Variants in ZNF619 observed in about 807,000 individuals in gnomAD.
The protein encoded by ZNF619 is zinc finger protein 619.
ZNF619 carries 9 observed loss-of-function variants against 14.2 expected under a neutral mutation model. That is an observed-to-expected ratio of 0.64 (90% confidence interval 0.38 to 1.11). The LOEUF (loss-of-function observed/expected upper bound fraction) is 1.11. ZNF619 is among the 50% of genes least tolerant of loss of function. ZNF619 has a pLI of 0.01. For missense variants in ZNF619, 659 were observed against 680.1 expected (o/e 0.97, Z 0.34); for synonymous variants, 246 against 252.8 (o/e 0.97, Z 0.26).
Position 40,487,500 on chromosome 3 carries a change from C to G in ZNF619, c.990C>G (p.Asp330Glu), listed in dbSNP as rs1452020873. The G allele has an allele frequency of 6.2e-7, 1 of 1,614,032 alleles. No homozygotes were observed. Among genetic ancestry groups the G allele is most frequent in the East Asian group, 2.2e-5 (1 of 44,868 alleles). The change falls in exon 5 of 5, where the codon GAC becomes GAG. Residue 330 changes from aspartate to glutamate, a missense_variant. Asp to Glu is a conservative substitution (Grantham distance 45). Transcript: ENST00000432264. Reference protein sequence around the residue: ...ECGKAFSCSYDCIIHERIHNG... With the variant: ...ECGKAFSCSYECIIHERIHNG... ...GGAAAGCCTTCAGTTGTAGCTATGACTGCATCATCCATGAACGAATTCACA... is the reference window on the plus strand; with the variant it reads ...GGAAAGCCTTCAGTTGTAGCTATGAGTGCATCATCCATGAACGAATTCACA...
At chr3:40,481,776 C>G (rs1390141268) in intron 2 of ZNF619, 87 bp from the exon 3 acceptor site, 2 of 1,516,360 alleles carry the variant, frequency 1.3e-6, no homozygotes, top group African/African-American at 2.8e-5. Context: ...CTTGCCAGTA[C>G]AAACCTTCCA....
chr3:40,482,742 G>T, intron 4 of ZNF619, 38 bp downstream of exon 4: 1 of 1,490,290 alleles, frequency 6.7e-7, no homozygotes, highest in South Asian at 1.2e-5. Flanking sequence ...TTCCAGCTTT[G>T]CCTCCTCCTT....
chr3:40,479,326 G>A (rs1456149308), intron 2 of ZNF619, among the ~76,000 whole-genome samples: 2 of 152,242 alleles, frequency 1.3e-5, no homozygotes, highest in Non-Finnish European at 2.9e-5. Flanking sequence ...AGTAAAATTA[G>A]GATTCCAATA....
intron 3 of ZNF619, 64 bp from the exon 4 acceptor site, chr3:40,482,524 T>G: frequency 6.4e-7 from 1 of 1,570,890 alleles, no homozygotes; most frequent in Non-Finnish European, 8.8e-7. Flanking sequence ...CAAAGCAGAG[T>G]GTAGTCTGAG....
chr3:40,488,994 CA>C lies in ZNF619; in HGVS notation c.*754del, dbSNP rs1697729992. The C allele has an allele frequency of 6.6e-6, 1 of 151,910 alleles. No homozygotes were observed. The highest frequency in any genetic ancestry group is 2.4e-5 in the African/African-American group (1 of 41,326). 9.4% of individuals were successfully genotyped at this position (151,910 alleles called of 1,614,324 possible). A position where few individuals can be genotyped will look rare whatever the true frequency, so the allele number is the denominator to read the frequency against. ...AGTTAAGGAGGGCCATTTGGTGGAC[CA>C]GGGGCAAGGCTCACTGAAAGAATGT... is the stretch of plus-strand genomic sequence containing the variant. On this transcript the variant is annotated 3_prime_UTR_variant, in exon 5 of 5. Transcript: ENST00000432264.
Position 40,478,351 on chromosome 3 carries a change from A to G in ZNF619, c.24+348A>G, listed in dbSNP as rs569047545. On this transcript the variant is annotated intron_variant, in intron 2 of 4. Transcript: ENST00000432264. The stretch of plus-strand genomic sequence containing the variant: ...AAATCAGAATCTACATTTTTACAAG[A>G]TCTGGAAAATTAAAGGGCAGATTAA... 2.7e-4 allele frequency among the ~76,000 whole-genome samples: 41 copies of G among 152,246 alleles called. No homozygotes were observed. In the South Asian group the frequency reaches 7.9e-3, roughly 29 times the overall value.
rs1391772966 is a variant in ZNF619 at position 40,484,186 on chromosome 3, C to T, written c.295+1482C>T. Among the ~76,000 whole-genome samples, 3 of 152,094 alleles carry T rather than the reference C, an allele frequency of 2.0e-5. No individual in the cohort carries two copies. The South Asian group carries it at 6.2e-4, about 31-fold the overall frequency. ...AGTGATTCTCCTGCCTCAGCCTCCC[C>T]AAGTGCTGGGATTACAGGCATGAGC... On this transcript the variant is annotated intron_variant, in intron 4 of 4. Coordinates refer to ENST00000432264, the MANE Select transcript of ZNF619 (RefSeq NM_001145093.4).
Position 40,488,031 on chromosome 3 carries a change from A to G in ZNF619, c.1521A>G (p.Gln507=), listed in dbSNP as rs1398819650. 2 of 1,613,954 alleles carry G rather than the reference A, an allele frequency of 1.2e-6. No homozygotes were observed. Among genetic ancestry groups the G allele is most frequent in the Non-Finnish European group, 1.7e-6 (2 of 1,179,994 alleles). ...PCAILSPLPP[Q]HTCSALAPPG... is the part of the protein sequence containing the mutation. The stretch of plus-strand genomic sequence containing the variant: ...CCATCCTCTCTCCTCTGCCTCCCCA[A>G]CATACCTGCTCTGCCCTAGCCCCAC... Residue 507 remains glutamine, a synonymous_variant, in exon 5 of 5, where the codon CAA becomes CAG. Coordinates refer to ENST00000432264, the MANE Select transcript of ZNF619 (RefSeq NM_001145093.4).
In ZNF619 at chr3:40,481,852, T is replaced by A; in HGVS notation, c.25-11T>A. On this transcript the variant is annotated splice_polypyrimidine_tract_variant and intron_variant, in intron 2 of 4. Transcript: ENST00000432264. ...CCTGGAATTCAGGCCTCTCCCTCTGTTCTTGTGCAGGGCTTGGGCAGGAAC... is the reference window on the plus strand; with the variant it reads ...CCTGGAATTCAGGCCTCTCCCTCTGATCTTGTGCAGGGCTTGGGCAGGAAC... 6.3e-7 allele frequency: 1 copy of A among 1,595,556 alleles called. No individual in the cohort carries two copies. The highest frequency in any genetic ancestry group is 8.5e-7 in the Non-Finnish European group (1 of 1,173,146).
Position 40,488,717 on chromosome 3 carries a change from G to C in ZNF619, c.*476G>C. 6.4e-6 allele frequency: 1 copy of C among 156,230 alleles called. No individual in the cohort carries two copies. The highest frequency in any genetic ancestry group is 1.9e-4 in the East Asian group (1 of 5,260). 9.7% of individuals were successfully genotyped at this position (156,230 alleles called of 1,614,324 possible). A position where few individuals can be genotyped will look rare whatever the true frequency, so the allele number is the denominator to read the frequency against. ...ACTCTTGTCACCCAGGCTGTTTGCA[G>C]TGGTGTGATCTTGGCTCACTGCAAC... On this transcript the variant is annotated 3_prime_UTR_variant, in exon 5 of 5. Coordinates refer to ENST00000432264, the MANE Select transcript of ZNF619 (RefSeq NM_001145093.4).
chr3:40,487,412 CA>C lies in ZNF619; in HGVS notation c.906del (p.Lys302AsnfsTer2). On this transcript the variant is annotated frameshift_variant, in exon 5 of 5. Coordinates refer to ENST00000432264, the MANE Select transcript of ZNF619 (RefSeq NM_001145093.4). LOFTEE classifies it low-confidence loss of function (END_TRUNC). ...TGTGGTAAAACCTTCAGTTATAATT[CA>C]AAACTGATTCGGCATCAGAGAATCC... ...TDCGKTFSYNSKLIRHQRIHT... is the reference protein window; with the variant it reads ...TDCGKTFSYNXKLIRHQRIHT... The C allele has an allele frequency of 6.2e-7, 1 of 1,614,204 alleles. No homozygotes were observed. The highest frequency in any genetic ancestry group is 8.5e-7 in the Non-Finnish European group (1 of 1,180,044).
intron 1 of ZNF619, 82 bp from the exon 2 acceptor site, chr3:40,477,836 A>G (rs1697243120): frequency 4.2e-6 from 3 of 711,312 alleles, no homozygotes; most frequent in East Asian, 2.8e-5. Flanking sequence ...AATATCTGCA[A>G]TGCTAGTGGC....
Position 40,478,007 on chromosome 3 carries a change from A to C in ZNF619, c.24+4A>C. The stretch of plus-strand genomic sequence containing the variant: ...GCTCCAGACAGTGTGGTTCCAGGTG[A>C]GCAGAGCTTTCTTTCAGCTTTCCAT... On this transcript the variant is annotated splice_donor_region_variant and intron_variant, in intron 2 of 4. Transcript: ENST00000432264. The C allele has an allele frequency of 6.4e-7, 1 of 1,553,222 alleles. No homozygotes were observed. The highest frequency in any genetic ancestry group is 8.7e-7 in the Non-Finnish European group (1 of 1,147,626).
intron 4 of ZNF619, chr3:40,483,599 G>A: frequency 4.5e-6 from 2 of 443,188 alleles, no homozygotes; most frequent in South Asian, 3.2e-5. Flanking sequence ...CCAAGCACTT[G>A]GTTTTTAAAA....
In ZNF619 at chr3:40,489,670, T is replaced by C. The variant is rs1489319496; in HGVS notation, c.*1429T>C. ...GTATAGTAATCTCTAAAGCTGTACATGGATGGAACTTGTTGGCATCACACT... is the reference window on the plus strand; with the variant it reads ...GTATAGTAATCTCTAAAGCTGTACACGGATGGAACTTGTTGGCATCACACT... On this transcript the variant is annotated 3_prime_UTR_variant, in exon 5 of 5. Transcript: ENST00000432264. The C allele has an allele frequency of 6.6e-6, 1 of 152,092 alleles. No homozygotes were observed. The highest frequency in any genetic ancestry group is 1.5e-5 in the Non-Finnish European group (1 of 68,026). 9.4% of individuals were successfully genotyped at this position (152,092 alleles called of 1,614,324 possible).
chr3:40,479,790 A>T (rs1697324887), intron 2 of ZNF619, among the ~76,000 whole-genome samples: 1 of 152,150 alleles, frequency 6.6e-6, no homozygotes, highest in Non-Finnish European at 1.5e-5. Flanking sequence ...TATCTACTAG[A>T]TGCCAGTAGC....
Position 40,477,648 on chromosome 3 carries a change from G to T in ZNF619, c.-62-270G>T, listed in dbSNP as rs140281623. 3.2e-3 allele frequency: 1,065 copies of T among 338,022 alleles called. 2 individuals are homozygous for T. Among genetic ancestry groups the T allele is most frequent in the Middle Eastern group, 0.011 (11 of 1,028 alleles). The allele number at this position is 338,022 out of a possible 1,614,324, so 20.9% of individuals were successfully genotyped here. Reference sequence around the variant, plus strand: ...AGTAATGCATTCATAGTGGGGCCAAGAATTTTTTTTAAAAAACAGCCACGA... The same window carrying T: ...AGTAATGCATTCATAGTGGGGCCAATAATTTTTTTTAAAAAACAGCCACGA... On this transcript the variant is annotated intron_variant, in intron 1 of 4. Transcript: ENST00000432264.
At chr3:40,486,340 AGTTT>A (rs2125642455) in intron 4 of ZNF619, among the ~76,000 whole-genome samples, 1 of 152,268 alleles carries the variant, frequency 6.6e-6, no homozygotes, top group East Asian at 1.9e-4. Context: ...CTCAAACTCC[AGTTT>A]GTTTACTTTC....
At chr3:40,481,821 C>T (rs770675458) in intron 2 of ZNF619, 42 bp from the exon 3 acceptor site, 22 of 1,565,426 alleles carry the variant, frequency 1.4e-5, no homozygotes, top group Middle Eastern at 1.8e-4. Context: ...GTAAATTTAT[C>T]CCTTTCCTGG....
Sources: gnomAD v4.1 joint callset for allele counts (sites outside exome capture counted in the v4.1 genomes callset) on GRCh38, gnomAD v4.1.1 for gene constraint, MANE v1.5 for transcripts, NCBI Gene and HGNC (gene_info 2026-07-23, HGNC 2026-07-21) for gene names.